Variants in C12orf42 observed in about 807,000 individuals in gnomAD.
C12orf42 encodes uncharacterized protein C12orf42.
A neutral mutation model predicts 21.6 loss-of-function variants in C12orf42; 25 were observed. The observed-to-expected ratio is 1.16, with a 90% CI of 0.84 to 1.62. C12orf42 has a LOEUF of 1.62. Among genes scored for constraint, C12orf42 ranks in the 40% most tolerant of loss-of-function variants. C12orf42 has a pLI of 0.00. For missense variants in C12orf42, 483 were observed against 459.3 expected (o/e 1.05, Z -0.47); for synonymous variants, 174 against 175.0 (o/e 0.99, Z 0.05).
chr12:103,273,818 C>T (rs982206849), intron 5 of C12orf42: 1 of 456,242 alleles, frequency 2.2e-6, no homozygotes, highest in Non-Finnish European at 4.4e-6. Context: ...TCTGAGTCAG[C>T]GTTAATATGT....
At chr12:103,267,082 A>G (rs2035205750), downstream of C12orf42, among the ~76,000 whole-genome samples, 1 of 152,166 alleles carries the variant, frequency 6.6e-6, no homozygotes, top group Non-Finnish European at 1.5e-5. Flanking sequence ...GCTTTGGCTC[A>G]CATTATTCCT....
At chr12:103,184,142 A>T in the C12orf42 span, among the ~76,000 whole-genome samples, 1 of 152,218 alleles carries the variant, frequency 6.6e-6, no homozygotes, top group Non-Finnish European at 1.5e-5. Flanking sequence ...TTCTGGGGAC[A>T]CTGTGTGTTG....
At chr12:103,442,882 CTCAA>C (rs1044911049) in intron 2 of C12orf42, among the ~76,000 whole-genome samples, 1 of 152,070 alleles carries the variant, frequency 6.6e-6, no homozygotes, top group Non-Finnish European at 1.5e-5. Flanking sequence ...ATTATACATT[CTCAA>C]TCATTCATTC....
At chr12:103,530,659 C>T in the C12orf42 span, among the ~76,000 whole-genome samples, 108 of 152,234 alleles carry the variant, frequency 7.1e-4, no homozygotes, top group African/African-American at 2.4e-3. Context: ...CGGAAACCCT[C>T]CTATTGGTGA....
At chr12:103,308,020 G>C (rs1219408454) in intron 4 of C12orf42, among the ~76,000 whole-genome samples, 1 of 152,092 alleles carries the variant, frequency 6.6e-6, no homozygotes, top group Non-Finnish European at 1.5e-5. Flanking sequence ...GGTGAGCTGG[G>C]TTTGAATCCT....
intron 2 of C12orf42, among the ~76,000 whole-genome samples, chr12:103,434,395 G>A (rs1565819335): frequency 6.6e-6 from 1 of 152,192 alleles, no homozygotes; most frequent in Admixed American, 6.6e-5. Flanking sequence ...TGAAGGGGAG[G>A]AGCCAAGATG....
the C12orf42 span, chr12:103,178,461 G>C: frequency 1.3e-5 from 2 of 152,162 alleles, no homozygotes; most frequent in Admixed American, 1.3e-4. Context: ...CGTGAACTAA[G>C]AATAGGAGTT....
At chr12:103,534,886 GGTAA>G in the C12orf42 span, among the ~76,000 whole-genome samples, 1 of 152,136 alleles carries the variant, frequency 6.6e-6, no homozygotes. Context: ...CTTTCCCTGG[GGTAA>G]GTGTTTGCTT....
the C12orf42 span, among the ~76,000 whole-genome samples, chr12:103,522,503 C>G: frequency 1.8e-4 from 28 of 152,238 alleles, no homozygotes; most frequent in African/African-American, 5.8e-4. Context: ...TCTCATGGCT[C>G]TCCAGCACAG....
chr12:103,132,994 C>A, the C12orf42 span, among the ~76,000 whole-genome samples: 1 of 152,162 alleles, frequency 6.6e-6, no homozygotes, highest in Non-Finnish European at 1.5e-5. Context: ...TGCATGTACA[C>A]CTGGGGGCCT....
intron 2 of C12orf42, among the ~76,000 whole-genome samples, chr12:103,459,184 A>C (rs1202205470): frequency 1.3e-5 from 2 of 152,166 alleles, no homozygotes; most frequent in Non-Finnish European, 2.9e-5. Flanking sequence ...TCTCTGCCAT[A>C]CTTGGCCACG....
the C12orf42 span, among the ~76,000 whole-genome samples, chr12:103,108,892 C>T: frequency 6.6e-6 from 1 of 151,990 alleles, no homozygotes; most frequent in Non-Finnish European, 1.5e-5. Context: ...TAAATCCAAG[C>T]AAAGATGTGA....
chr12:103,342,352 C>A (rs2042238598), intron 4 of C12orf42, among the ~76,000 whole-genome samples: 1 of 152,112 alleles, frequency 6.6e-6, no homozygotes, highest in African/African-American at 2.4e-5. Context: ...GATACCTAAA[C>A]GAGGATTGAT....
At chr12:103,426,907 C>A (rs1463846004) in intron 2 of C12orf42, among the ~76,000 whole-genome samples, 1 of 152,118 alleles carries the variant, frequency 6.6e-6, no homozygotes, top group Non-Finnish European at 1.5e-5. Context: ...CAAGCAAATG[C>A]TGAGAGATTT....
At chr12:103,418,380 C>G (rs369566105) in intron 2 of C12orf42, among the ~76,000 whole-genome samples, 3 of 152,000 alleles carry the variant, frequency 2.0e-5, no homozygotes, top group Non-Finnish European at 4.4e-5. Flanking sequence ...GATCTTCTTA[C>G]GGAAGATCAG....
chr12:103,091,362 G>GT, the C12orf42 span, among the ~76,000 whole-genome samples: 1 of 149,660 alleles, frequency 6.7e-6, no homozygotes, highest in East Asian at 1.9e-4. Context: ...CCTCTGTGAA[G>GT]TTTTTTCCCC....
chr12:103,118,625 C>A, the C12orf42 span, among the ~76,000 whole-genome samples: 1 of 151,700 alleles, frequency 6.6e-6, no homozygotes, highest in Non-Finnish European at 1.5e-5. Flanking sequence ...GGTGAAACCC[C>A]GTCTCTACTA....
At chr12:103,442,409 A>T (rs58670523) in intron 2 of C12orf42, among the ~76,000 whole-genome samples, 1 of 152,156 alleles carries the variant, frequency 6.6e-6, no homozygotes, top group Non-Finnish European at 1.5e-5. Flanking sequence ...AGTCAACAAC[A>T]GGTTGCTGGT....
chr12:103,532,863 C>T, the C12orf42 span, among the ~76,000 whole-genome samples: 2 of 152,204 alleles, frequency 1.3e-5, no homozygotes, highest in Non-Finnish European at 2.9e-5. Flanking sequence ...AACAACAGGG[C>T]AGACACAGAG....
Sources: allele counts gnomAD v4.1 joint callset (sites outside exome capture counted in the v4.1 genomes callset), GRCh38; gene constraint gnomAD v4.1.1; transcripts MANE v1.5; gene names NCBI Gene and HGNC (gene_info 2026-07-23, HGNC 2026-07-21).